The following RBM45 variants were observed in gnomAD, a reference collection of about 807,000 sequenced individuals.
RBM45 encodes RNA binding motif protein 45.
RBM45 carries 39 observed loss-of-function variants against 58.5 expected under a neutral mutation model. The observed-to-expected ratio is 0.67, with a 90% CI of 0.52 to 0.87. The LOEUF is 0.87. RBM45 is among the 40% of genes least tolerant of loss of function. RBM45 has a pLI of 0.00. For missense variants in RBM45, 481 were observed against 581.6 expected, an observed-to-expected ratio of 0.83 and a Z score of 1.78; for synonymous variants, 193 against 203.0, an observed-to-expected ratio of 0.95 and a Z score of 0.42.
chr2:178,114,156 T>A (rs2087739607), intron 1 of RBM45, among the ~76,000 whole-genome samples: 1 of 152,222 alleles, frequency 6.6e-6, no homozygotes, highest in Admixed American at 6.5e-5. Context: ...ACAGTCTCTG[T>A]CACATAACCT....
chr2:178,121,071 C>A, intron 4 of RBM45, 109 bp from the exon 5 acceptor site: 2 of 512,942 alleles, frequency 3.9e-6, no homozygotes, highest in Non-Finnish European at 3.4e-6. Context: ...CTACAAAATA[C>A]AGTGCCTTTA....
intron 6 of RBM45, 39 bp from the exon 7 acceptor site, chr2:178,123,789 A>G: frequency 6.2e-7 from 1 of 1,608,068 alleles, no homozygotes; most frequent in African/African-American, 1.3e-5. Flanking sequence ...AAGACTGAAT[A>G]TTTTTAGTTT....
intron 3 of RBM45, among the ~76,000 whole-genome samples, chr2:178,135,384 A>G (rs2088037240): frequency 6.6e-6 from 1 of 152,234 alleles, no homozygotes; most frequent in African/African-American, 2.4e-5. Context: ...ACCATTAGGT[A>G]CCATCTTGGC....
At chr2:178,135,564 A>G (rs334062) in intron 3 of RBM45, among the ~76,000 whole-genome samples, 66,075 of 152,096 alleles carry the variant, frequency 0.43, 15,777 homozygotes, top group East Asian at 0.65. Flanking sequence ...AAAAGAAATC[A>G]GAAGTAAATC....
At chr2:178,128,523 G>A (rs188383948) in intron 9 of RBM45, among the ~76,000 whole-genome samples, 28 of 152,324 alleles carry the variant, frequency 1.8e-4, no homozygotes, top group East Asian at 9.7e-4. Flanking sequence ...AGTTGGTACT[G>A]TGAGAACTAA....
downstream of RBM45, among the ~76,000 whole-genome samples, chr2:178,133,027 T>C (rs1447040847): frequency 6.6e-6 from 1 of 152,202 alleles, no homozygotes; most frequent in Non-Finnish European, 1.5e-5. Flanking sequence ...TGGCATTCAC[T>C]TTGGAATATA....
At chr2:178,131,048 A>G (rs115715138), downstream of RBM45, among the ~76,000 whole-genome samples, 9 of 152,350 alleles carry the variant, frequency 5.9e-5, no homozygotes, top group Non-Finnish European at 1.3e-4. Flanking sequence ...TCGAGGCTGC[A>G]GAGTGCTGTT....
intron 4 of RBM45, 48 bp from the exon 5 acceptor site, chr2:178,121,132 T>C: frequency 2.2e-6 from 2 of 907,392 alleles, no homozygotes; most frequent in Admixed American, 2.4e-5. Context: ...AAGCGAATTG[T>C]TGGCTGTGTA....
downstream of RBM45, among the ~76,000 whole-genome samples, chr2:178,131,351 C>G (rs1347915010): frequency 6.6e-6 from 1 of 152,218 alleles, no homozygotes; most frequent in Non-Finnish European, 1.5e-5. Flanking sequence ...GAAAGGAGCT[C>G]TCTACCTCCT....
rs749563266 is a variant in RBM45 at position 178,124,192 on chromosome 2, C to CA, written c.1143dup (p.Ala382SerfsTer4). The CA allele has an allele frequency of 8.2e-5, 130 of 1,583,798 alleles. No individual in the cohort carries two copies. The highest frequency in any genetic ancestry group is 1.4e-4 in the South Asian group (12 of 87,098). ...AGACAGATGTTGTACTTCCATCATG[C>CA]AAAAAAAAAGCTCCTGCTGAAACTC... On this transcript the variant is annotated frameshift_variant, in exon 8 of 10. Transcript: ENST00000286070. LOFTEE classifies it high-confidence loss of function.
rs2087801110 is a variant in RBM45, at chr2:178,118,046, C to T, written c.424-9C>T. On this transcript the variant is annotated splice_polypyrimidine_tract_variant and intron_variant, in intron 2 of 9. Coordinates refer to ENST00000286070, the MANE Select transcript of RBM45 (RefSeq NM_152945.4). ...AGTCCCCTAAAATCATGTCTTTTAA[C>T]TCTCTTAGGTGTATGGAGATATCGA... 2.6e-6 allele frequency: 4 copies of T among 1,558,564 alleles called. No individual in the cohort carries two copies. The highest frequency in any genetic ancestry group is 2.6e-6 in the Non-Finnish European group (3 of 1,152,444).
chr2:178,130,016 T>C (rs2087989846), downstream of RBM45, among the ~76,000 whole-genome samples: 1 of 152,186 alleles, frequency 6.6e-6, no homozygotes, highest in African/African-American at 2.4e-5. Context: ...TACCAAAATG[T>C]GTTGGTAATT....
chr2:178,137,341 T>A (rs2088052899), exon 4 of RBM45: 1 of 152,160 alleles, frequency 6.6e-6, no homozygotes, highest in South Asian at 2.1e-4. Flanking sequence ...AAGTTGAACA[T>A]ATGTATACCC....
intron 3 of RBM45, 120 bp downstream of exon 3, chr2:178,118,301 G>T (rs776791784): frequency 6.2e-5 from 60 of 960,696 alleles, no homozygotes; most frequent in Non-Finnish European, 8.4e-5. Context: ...TTAGCAGTGG[G>T]TATTTAAATA....
At chr2:178,130,239 CA>C (rs1030219461), downstream of RBM45, among the ~76,000 whole-genome samples, 8 of 152,156 alleles carry the variant, frequency 5.3e-5, no homozygotes, top group African/African-American at 1.7e-4. Context: ...AAATTAGGGC[CA>C]GGGGTGGTTG....
chr2:178,120,303 G>A lies in RBM45; in HGVS notation c.567G>A (p.Leu189=). Residue 189 remains leucine, a synonymous_variant, in exon 4 of 10, where the codon TTG becomes TTA. Transcript: ENST00000286070. ...ENCDRSFRAI[L]AEPKNKASES... ...TTTTTTCAGGTTTTAGAGCAATCTTGGCTGAACCTAAAAATAAAGCATCTG... is the reference window on the plus strand; with the variant it reads ...TTTTTTCAGGTTTTAGAGCAATCTTAGCTGAACCTAAAAATAAAGCATCTG... 1 of 1,612,876 alleles carries A rather than the reference G, an allele frequency of 6.2e-7. No homozygotes were observed. Among genetic ancestry groups the A allele is most frequent in the South Asian group, 1.1e-5 (1 of 90,810 alleles).
At chr2:178,137,757 CTA>C (rs933169739) in exon 4 of RBM45, 2 of 152,186 alleles carry the variant, frequency 1.3e-5, no homozygotes, top group South Asian at 2.1e-4. Context: ...GAGCTGTACT[CTA>C]TGGAGTATGC....
chr2:178,128,022 T>TTTA (rs1553511966), intron 9 of RBM45, among the ~76,000 whole-genome samples: 8 of 144,020 alleles, frequency 5.6e-5, no homozygotes, highest in Non-Finnish European at 1.1e-4. Context: ...TTTTTTTTTT[T>TTTA]AAACACAGAA....
downstream of RBM45, among the ~76,000 whole-genome samples, chr2:178,130,331 G>C (rs1225210940): frequency 2.0e-5 from 3 of 152,108 alleles, no homozygotes; most frequent in Non-Finnish European, 4.4e-5. Context: ...GAGGAGACCA[G>C]CCTGGGCAAC....
Sources: allele counts gnomAD v4.1 joint callset (sites outside exome capture counted in the v4.1 genomes callset), GRCh38; gene constraint gnomAD v4.1.1; transcripts MANE v1.5; gene names NCBI Gene and HGNC (gene_info 2026-07-23, HGNC 2026-07-21).